ATP11A: variants seen among roughly 807,000 people sequenced by gnomAD.
ATP11A encodes the protein phospholipid-transporting ATPase IH.
ATP11A carries 81 observed loss-of-function variants against 154.4 expected under a neutral mutation model. The ratio of observed to expected loss-of-function variants is 0.52; its 90% CI spans 0.44 to 0.63. The LOEUF (loss-of-function observed/expected upper bound fraction) is 0.63, where lower values mean the gene tolerates loss of function less well. ATP11A is among the 30% of genes least tolerant of loss of function. ATP11A has a pLI of 0.00. For synonymous variants in ATP11A, 623 were observed against 585.9 expected, an observed-to-expected ratio of 1.06 and a Z score of -0.91; for missense variants, 1,316 against 1,474.3, an observed-to-expected ratio of 0.89 and a Z score of 1.76.
Position 112,873,818 on chromosome 13 carries a change from G to T in ATP11A, c.3161+142G>T, listed in dbSNP as rs1158797707. The T allele has an allele frequency of 5.4e-6, 4 of 737,558 alleles. No homozygotes were observed. The African/African-American group carries it at 7.0e-5, about 13-fold the overall frequency. The allele number at this position is 737,558 out of a possible 1,614,324, so 45.7% of individuals were successfully genotyped here. On this transcript the variant is annotated intron_variant, in intron 27 of 29. Transcript: ENST00000375645. ...GAATGGCTGCTGTGTGCTGGGTGTC[G>T]TGGGGTCCTGGGATACAGTCGGGGG... is the stretch of plus-strand genomic sequence containing the variant.
chr13:112,721,541 T>G lies in ATP11A; in HGVS notation c.39+31086T>G, dbSNP rs1594414620. Among the ~76,000 whole-genome samples the G allele has an allele frequency of 5.3e-5, 8 of 152,292 alleles. No individual in the cohort carries two copies. In the South Asian group the frequency reaches 1.7e-3, roughly 32 times the overall value. ...GACACAGAAACAGCTTCCCGTGTTC[T>G]TGGACTTGACATCAAAGATGGAACG... On this transcript the variant is annotated intron_variant, in intron 1 of 29. Transcript: ENST00000375645.
chr13:112,876,175 T>A, intron 28 of ATP11A: 1 of 387,998 alleles, frequency 2.6e-6, no homozygotes, highest in Non-Finnish European at 4.4e-6. Context: ...GAGACACAAA[T>A]AAGAGAAAAA....
At chr13:112,831,260 A>G (rs1009657349) in intron 12 of ATP11A, 115 bp from the exon 13 acceptor site, 13 of 1,154,108 alleles carry the variant, frequency 1.1e-5, no homozygotes, top group Admixed American at 6.7e-5. Flanking sequence ...TTAGAAATCC[A>G]CCGCCTATTC....
intron 1 of ATP11A, among the ~76,000 whole-genome samples, chr13:112,764,797 C>A (rs2077036434): frequency 6.6e-6 from 1 of 152,136 alleles, no homozygotes; most frequent in Admixed American, 6.5e-5. Context: ...GTGAATGGGA[C>A]CCAGGCACGT....
intron 25 of ATP11A, among the ~76,000 whole-genome samples, chr13:112,868,824 A>G (rs2080421674): frequency 1.3e-5 from 2 of 152,198 alleles, no homozygotes; most frequent in African/African-American, 4.8e-5. Context: ...TGCAGGCTGC[A>G]TAGGAAGCAT....
intron 1 of ATP11A, among the ~76,000 whole-genome samples, chr13:112,716,170 G>GAT (rs1888440878): frequency 6.6e-6 from 1 of 152,214 alleles, no homozygotes; most frequent in Non-Finnish European, 1.5e-5. Context: ...AGCACCCTGT[G>GAT]ATAGACCTTT....
In ATP11A at chr13:112,756,389, G is replaced by A. The variant is rs139778627; in HGVS notation, c.40-28746G>A. Among the ~76,000 whole-genome samples, 277 of 152,298 alleles carry A rather than the reference G, an allele frequency of 1.8e-3. 5 individuals are homozygous for A. In the East Asian group the frequency reaches 0.029, roughly 16 times the overall value. On this transcript the variant is annotated intron_variant, in intron 1 of 29. Coordinates refer to ENST00000375645, the MANE Select transcript of ATP11A (RefSeq NM_015205.3). Reference sequence around the variant, plus strand: ...ACCCTGCAGGCCACCTCTCTCACCTGCGTGTTGGGCTTCAGGATCAGGGTC... The same window carrying A: ...ACCCTGCAGGCCACCTCTCTCACCTACGTGTTGGGCTTCAGGATCAGGGTC...
At chr13:112,691,935 G>A (rs1050911859) in intron 1 of ATP11A, among the ~76,000 whole-genome samples, 2 of 152,126 alleles carry the variant, frequency 1.3e-5, no homozygotes, top group African/African-American at 4.8e-5. Flanking sequence ...TGGTGATTCT[G>A]ATGATTCCGA....
chr13:112,733,231 G>T (rs1014837744), intron 1 of ATP11A, among the ~76,000 whole-genome samples: 4 of 147,476 alleles, frequency 2.7e-5, no homozygotes, highest in Admixed American at 2.0e-4. Flanking sequence ...ATGGCTTGGG[G>T]GCACACGGCG....
chr13:112,838,176 G>A lies in ATP11A; in HGVS notation c.1705+1925G>A, dbSNP rs760653569. ...GGTCTGAGAACAGGTTCAGATGCGC[G>A]AGACTTCTGTGTGTCAGAACCCTTC... On this transcript the variant is annotated intron_variant, in intron 16 of 29. Coordinates refer to ENST00000375645, the MANE Select transcript of ATP11A (RefSeq NM_015205.3). This position sits in a 1 kb window ranked among gnomAD's most constrained non-coding sequence, Gnocchi z 7.3. Among the ~76,000 whole-genome samples the A allele has an allele frequency of 5.3e-5, 8 of 152,160 alleles. No homozygotes were observed. The highest frequency in any genetic ancestry group is 1.0e-4 in the Non-Finnish European group (7 of 68,024).
intron 25 of ATP11A, among the ~76,000 whole-genome samples, chr13:112,869,971 C>T (rs907440146): frequency 1.3e-5 from 2 of 152,204 alleles, no homozygotes; most frequent in Admixed American, 1.3e-4. Context: ...TCAGCAGCCC[C>T]TCCACCCCCC....
At chr13:112,719,470 A>C (rs569949444) in intron 1 of ATP11A, among the ~76,000 whole-genome samples, 1 of 152,356 alleles carries the variant, frequency 6.6e-6, no homozygotes, top group East Asian at 1.9e-4. Context: ...CTTGATTCCA[A>C]CTGTCAGAAG....
intron 1 of ATP11A, among the ~76,000 whole-genome samples, chr13:112,777,533 CA>C (rs1463403935): frequency 1.3e-5 from 2 of 152,218 alleles, no homozygotes; most frequent in African/African-American, 4.8e-5. Context: ...CATTGCACTC[CA>C]GCCTGGGGGA....
chr13:112,708,721 G>A (rs1403149035), intron 1 of ATP11A, among the ~76,000 whole-genome samples: 3 of 152,156 alleles, frequency 2.0e-5, no homozygotes, highest in Non-Finnish European at 1.5e-5. Flanking sequence ...TCTCACTGTG[G>A]GCCCCACGTG....
intron 20 of ATP11A, chr13:112,856,345 TG>T: frequency 5.4e-5 from 14 of 257,482 alleles, no homozygotes; most frequent in East Asian, 1.3e-4. Context: ...GGCTGACTTC[TG>T]TTAAAAAAAA....
chr13:112,762,137 T>A (rs76287711), intron 1 of ATP11A, among the ~76,000 whole-genome samples: 1 of 152,138 alleles, frequency 6.6e-6, no homozygotes, highest in Non-Finnish European at 1.5e-5. Context: ...GGGTTTTAAG[T>A]GTGTGGGAAA....
chr13:112,870,070 C>A (rs985939820), intron 25 of ATP11A, among the ~76,000 whole-genome samples: 1 of 152,142 alleles, frequency 6.6e-6, no homozygotes, highest in Non-Finnish European at 1.5e-5. Flanking sequence ...CCGAGAACCA[C>A]AAGCATGTGT....
chr13:112,851,316 C>A, intron 18 of ATP11A, 98 bp downstream of exon 18: 1 of 1,235,468 alleles, frequency 8.1e-7, no homozygotes, highest in East Asian at 2.4e-5. Context: ...GGAGGCCATC[C>A]GCACAGCCGA....
intron 2 of ATP11A, among the ~76,000 whole-genome samples, chr13:112,797,627 TA>T (rs1297444379): frequency 6.6e-6 from 1 of 152,216 alleles, no homozygotes; most frequent in Non-Finnish European, 1.5e-5. Flanking sequence ...GTAAAATATT[TA>T]AAGTGTTGAA....
Sources: gnomAD v4.1 joint callset for allele counts (sites outside exome capture counted in the v4.1 genomes callset) on GRCh38, gnomAD v4.1.1 for gene constraint, Gnocchi (gnomAD v3.1) non-coding constraint, MANE v1.5 for transcripts, NCBI Gene and HGNC (gene_info 2026-07-23, HGNC 2026-07-21) for gene names.